The following TAFA4 variants were observed in gnomAD, a reference collection of about 807,000 sequenced individuals.
The protein encoded by TAFA4 is TAFA chemokine like family member 4.
TAFA4 carries 20 observed loss-of-function variants against 21.1 expected under a neutral mutation model. The ratio of observed to expected loss-of-function variants is 0.95; its 90% confidence interval spans 0.67 to 1.38. The LOEUF (loss-of-function observed/expected upper bound fraction) is 1.38, where lower values mean the gene tolerates loss of function less well. Ranked by LOEUF, TAFA4 falls within the 40% of genes most tolerant of loss-of-function variation. The pLI is 0.00. For missense variants in TAFA4, 211 were observed against 180.9 expected (o/e 1.17, Z -0.95); for synonymous variants, 71 against 67.4 (o/e 1.05, Z -0.26).
intron 3 of TAFA4, among the ~76,000 whole-genome samples, chr3:68,863,074 A>G (rs1423742361): frequency 1.3e-5 from 2 of 151,418 alleles, no homozygotes; most frequent in Non-Finnish European, 2.9e-5. Context: ...TCTCTACAAA[A>G]AAAAAAAAAA....
At chr3:68,802,894 T>C (rs914351978) in intron 3 of TAFA4, among the ~76,000 whole-genome samples, 9 of 152,220 alleles carry the variant, frequency 5.9e-5, no homozygotes, top group Admixed American at 3.3e-4. Flanking sequence ...TTTCACAATA[T>C]AGAACTTGAA....
intron 3 of TAFA4, among the ~76,000 whole-genome samples, chr3:68,824,262 A>G (rs1704177304): frequency 6.6e-6 from 1 of 152,238 alleles, no homozygotes; most frequent in African/African-American, 2.4e-5. Context: ...TCTACATGTC[A>G]CAAGTCCAAA....
At chr3:68,760,945 C>G (rs1055314177) in intron 3 of TAFA4, among the ~76,000 whole-genome samples, 5 of 152,154 alleles carry the variant, frequency 3.3e-5, no homozygotes, top group African/African-American at 1.2e-4. Flanking sequence ...GAGGATAGGA[C>G]AGTAGAAGAG....
intron 3 of TAFA4, among the ~76,000 whole-genome samples, chr3:68,837,708 T>A (rs1410568476): frequency 6.6e-6 from 1 of 152,202 alleles, no homozygotes; most frequent in Non-Finnish European, 1.5e-5. Context: ...CACTTATATA[T>A]ACTCTAGGAT....
intron 1 of TAFA4, among the ~76,000 whole-genome samples, chr3:68,889,764 T>A (rs902322966): frequency 6.6e-6 from 1 of 152,180 alleles, no homozygotes; most frequent in African/African-American, 2.4e-5. Context: ...CTAAATAGTA[T>A]CAAGGTCATG....
intron 3 of TAFA4, among the ~76,000 whole-genome samples, chr3:68,825,673 GCATAACT>G (rs1189821431): frequency 6.6e-6 from 1 of 152,150 alleles, no homozygotes; most frequent in African/African-American, 2.4e-5. Flanking sequence ...CTAGTGTCCA[GCATAACT>G]CATAAGAATG....
intron 3 of TAFA4, among the ~76,000 whole-genome samples, chr3:68,790,041 G>A (rs115684109): frequency 0.014 from 2,157 of 152,166 alleles, 46 homozygotes; most frequent in African/African-American, 0.049. Context: ...TCTATTTTTC[G>A]CCTCAAGTTC....
chr3:68,903,806 C>G (rs531743869), intron 1 of TAFA4, among the ~76,000 whole-genome samples: 2 of 152,176 alleles, frequency 1.3e-5, no homozygotes, highest in Non-Finnish European at 2.9e-5. Flanking sequence ...CTTCATCAAA[C>G]TCCCAAAGGG....
At chr3:68,833,636 T>A (rs1488840580) in intron 3 of TAFA4, among the ~76,000 whole-genome samples, 2 of 152,240 alleles carry the variant, frequency 1.3e-5, no homozygotes, top group East Asian at 3.9e-4. Context: ...AAATAGCATG[T>A]AAATAGTTAA....
At position 68,841,341 on chromosome 3, in the gene TAFA4, A is replaced by T. The variant is rs544627617; in HGVS notation, c.130+39389T>A. On this transcript the variant is annotated intron_variant, in intron 3 of 5. Transcript: ENST00000295569. Reference sequence around the variant, plus strand: ...CCGTCTCAAAAAAAAAAAAAATAAAAAAAAATAAAATCCACACACATTCTC... The same window carrying T: ...CCGTCTCAAAAAAAAAAAAAATAAATAAAAATAAAATCCACACACATTCTC... Among the ~76,000 whole-genome samples, 11 of 151,390 alleles carry T rather than the reference A, an allele frequency of 7.3e-5. 3 individuals carry two copies. The highest frequency in any genetic ancestry group is 5.8e-4 in the East Asian group (3 of 5,156).
chr3:68,774,077 C>T (rs1703006912), intron 3 of TAFA4, among the ~76,000 whole-genome samples: 1 of 152,078 alleles, frequency 6.6e-6, no homozygotes, highest in Admixed American at 6.5e-5. Context: ...TGGGGGTAGA[C>T]ATTAGAGAGG....
intron 1 of TAFA4, among the ~76,000 whole-genome samples, chr3:68,917,254 G>T (rs1402555859): frequency 6.6e-6 from 1 of 152,158 alleles, no homozygotes; most frequent in Non-Finnish European, 1.5e-5. Context: ...TGGACATGGG[G>T]GTGTATTGCA....
At chr3:68,892,617 C>A (rs919672174) in intron 1 of TAFA4, among the ~76,000 whole-genome samples, 2 of 152,186 alleles carry the variant, frequency 1.3e-5, no homozygotes, top group African/African-American at 4.8e-5. Flanking sequence ...TTTTAAAAAA[C>A]GCTCTTCTAG....
chr3:68,887,213 T>C (rs143616247), intron 1 of TAFA4, among the ~76,000 whole-genome samples: 276 of 152,372 alleles, frequency 1.8e-3, no homozygotes, highest in African/African-American at 6.3e-3. Flanking sequence ...GTTCTCAGTA[T>C]GTCCAAAACC....
intron 3 of TAFA4, among the ~76,000 whole-genome samples, chr3:68,830,648 G>A (rs1217484177): frequency 6.6e-6 from 1 of 152,158 alleles, no homozygotes; most frequent in Non-Finnish European, 1.5e-5. Flanking sequence ...GTAGTGCTGA[G>A]AAGAATGTAT....
intron 3 of TAFA4, among the ~76,000 whole-genome samples, chr3:68,870,647 G>C (rs533838250): frequency 8.5e-5 from 13 of 152,068 alleles, no homozygotes; most frequent in Non-Finnish European, 5.9e-5. Context: ...GTATACATGT[G>C]CCATGGTGGT....
At position 68,732,891 on chromosome 3, in the gene TAFA4, G is replaced by A; in HGVS notation, c.*251C>T. ...GATTTGCTCTTCTCGGATTTTGGAG[G>A]TATGCTCCTTGGGAATCCAGAGAGG... On this transcript the variant is annotated 3_prime_UTR_variant, in exon 6 of 6. Coordinates refer to ENST00000295569, the MANE Select transcript of TAFA4 (RefSeq NM_182522.5). 2.0e-6 allele frequency: 1 copy of A among 501,676 alleles called. No individual in the cohort carries two copies. Among genetic ancestry groups the A allele is most frequent in the Non-Finnish European group, 3.5e-6 (1 of 282,152 alleles). 31.1% of individuals were successfully genotyped at this position (501,676 alleles called of 1,614,324 possible). A position where few individuals can be genotyped will look rare whatever the true frequency, so the allele number is the denominator to read the frequency against.
At position 68,932,406 on chromosome 3, in the gene TAFA4, C is replaced by G. The variant is rs1210997598; in HGVS notation, c.-289G>C. 2 of 152,328 alleles carry G rather than the reference C, an allele frequency of 1.3e-5. No homozygotes were observed. The highest frequency in any genetic ancestry group is 2.9e-5 in the Non-Finnish European group (2 of 68,130). The allele number at this position is 152,328 out of a possible 1,614,324, so 9.4% of individuals were successfully genotyped here. A position where few individuals can be genotyped will look rare whatever the true frequency, so the allele number is the denominator to read the frequency against. On this transcript the variant is annotated 5_prime_UTR_variant, in exon 1 of 6. Transcript: ENST00000295569. ...AGAAGAAAAGTTCCCACGTCTCTAC[C>G]AGGAGAAGCCCGAAGCTCCTGCGGG...
intron 3 of TAFA4, among the ~76,000 whole-genome samples, chr3:68,754,215 C>T (rs1444248525): frequency 2.0e-5 from 3 of 152,220 alleles, no homozygotes; most frequent in Non-Finnish European, 4.4e-5. Flanking sequence ...TGATACAATG[C>T]TACTACGTAA....
Sources: allele counts gnomAD v4.1 joint callset (sites outside exome capture counted in the v4.1 genomes callset), GRCh38; gene constraint gnomAD v4.1.1; transcripts MANE v1.5; gene names NCBI Gene and HGNC (gene_info 2026-07-23, HGNC 2026-07-21).